ESR2: variants seen among roughly 807,000 people sequenced by gnomAD.
ESR2 encodes estrogen receptor 2.
In ESR2, 36 loss-of-function variants were observed where a neutral mutation model predicts 49.6. The ratio of observed to expected loss-of-function variants is 0.73; its 90% CI spans 0.56 to 0.96. The LOEUF (loss-of-function observed/expected upper bound fraction) is 0.96, where lower values mean the gene tolerates loss of function less well. Among genes scored for constraint, ESR2 ranks in the 40% least tolerant of loss-of-function variants. ESR2 has a pLI of 0.00. For synonymous variants in ESR2, 320 were observed against 266.1 expected, an observed-to-expected ratio of 1.20 and a Z score of -1.97; for missense variants, 714 against 693.0, an observed-to-expected ratio of 1.03 and a Z score of -0.34.
chr14:64,303,360 C>T (rs995602841), intron 1 of ESR2: 1 of 147,742 alleles, frequency 6.8e-6, no homozygotes, highest in African/African-American at 2.5e-5. Flanking sequence ...ATAAACATTA[C>T]ATACAAATCA....
intron 1 of ESR2, among the ~76,000 whole-genome samples, chr14:64,320,851 T>A (rs2077317246): frequency 6.6e-6 from 1 of 152,100 alleles, no homozygotes; most frequent in Non-Finnish European, 1.5e-5. Context: ...GCTGAGATCA[T>A]GCCATTGCAC....
intron 1 of ESR2, among the ~76,000 whole-genome samples, chr14:64,333,599 A>G (rs2077490332): frequency 6.6e-6 from 1 of 152,230 alleles, no homozygotes; most frequent in Non-Finnish European, 1.5e-5. Context: ...AGGCCTCACA[A>G]TCATGGCAGG....
Position 64,268,828 on chromosome 14 carries a change from G to A in ESR2, c.619C>T (p.Arg207Trp), listed in dbSNP as rs371856990. 6.2e-5 allele frequency: 100 copies of A among 1,613,410 alleles called. No individual in the cohort carries two copies. The highest frequency in any genetic ancestry group is 1.6e-4 in the Middle Eastern group (1 of 6,082). The change falls in exon 4 of 9, where the codon CGG (arginine) becomes TGG (tryptophan). Residue 207 changes from arginine (R) to tryptophan (W), a missense_variant. Coordinates refer to ENST00000341099, the MANE Select transcript of ESR2 (RefSeq NM_001437.3). The stretch of plus-strand genomic sequence containing the variant: ...ACCATTCCCACTTCGTAACACTTCC[G>A]AAGTCGGCAGGCCTGGCAGCTCTTG... ...RRKSCQACRL[R>W]KCYEVGMVKC...
intron 1 of ESR2, among the ~76,000 whole-genome samples, chr14:64,323,747 A>C (rs1342823526): frequency 6.6e-6 from 1 of 152,176 alleles, no homozygotes; most frequent in Non-Finnish European, 1.5e-5. Context: ...GCTGGAGTGC[A>C]GTGGCACGAT....
Position 64,300,642 on chromosome 14 carries a change from G to C in ESR2, c.-90-17567C>G, listed in dbSNP as rs145502222. The stretch of plus-strand genomic sequence containing the variant: ...AGGTGTGGTGGCACCTGTAGTCCCA[G>C]CTACTCGGGAGGCTGAGGCTGGAGG... On this transcript the variant is annotated intron_variant, in intron 1 of 8. Coordinates refer to the ESR2 transcript ENST00000358599. Among the ~76,000 whole-genome samples, 1,268 of 152,162 alleles carry C rather than the reference G, an allele frequency of 8.3e-3. 25 individuals are homozygous for C. Among genetic ancestry groups the C allele is most frequent in the African/African-American group, 0.029 (1,207 of 41,490 alleles).
chr14:64,280,433 G>A (rs1037893565), intron 2 of ESR2, among the ~76,000 whole-genome samples: 1 of 152,182 alleles, frequency 6.6e-6, no homozygotes, highest in African/African-American at 2.4e-5. Context: ...CCGAAGACCA[G>A]TCATAGCCAT....
downstream of ESR2, chr14:64,227,101 CTT>C (rs1249053785): frequency 6.0e-6 from 1 of 167,942 alleles, no homozygotes; most frequent in East Asian, 1.7e-4. Context: ...GGCATTTCCC[CTT>C]TCTTATTGGA....
chr14:64,274,251 T>C (rs2076510350), intron 3 of ESR2, among the ~76,000 whole-genome samples: 1 of 152,148 alleles, frequency 6.6e-6, no homozygotes, highest in Non-Finnish European at 1.5e-5. Flanking sequence ...CCCAGCTTGC[T>C]GGGAGGCTTT....
At chr14:64,253,898 G>A (rs532271687) in intron 6 of ESR2, among the ~76,000 whole-genome samples, 3 of 152,200 alleles carry the variant, frequency 2.0e-5, no homozygotes, top group Non-Finnish European at 2.9e-5. Flanking sequence ...TTAGTCAGTT[G>A]CCTGTTGATA....
At chr14:64,261,875 C>T (rs781358031) in intron 4 of ESR2, among the ~76,000 whole-genome samples, 1 of 152,132 alleles carries the variant, frequency 6.6e-6, no homozygotes, top group Non-Finnish European at 1.5e-5. Flanking sequence ...CCTCAGCCTC[C>T]TGAGTAGCTG....
At chr14:64,249,464 CA>C (rs1009216229) in intron 7 of ESR2, 81 bp downstream of exon 7, 2 of 1,459,832 alleles carry the variant, frequency 1.4e-6, no homozygotes, top group African/African-American at 2.9e-5. Flanking sequence ...AATAGAAGTT[CA>C]ACATTCTTCT....
At chr14:64,314,804 G>A (rs1306717213) in intron 1 of ESR2, among the ~76,000 whole-genome samples, 1 of 142,336 alleles carries the variant, frequency 7.0e-6, no homozygotes, top group Non-Finnish European at 1.5e-5. Context: ...CTTGAACCTG[G>A]GAGGCGGAGG....
rs1009548868 is a variant in ESR2, at chr14:64,259,384, C to A, written c.952+1065G>T. 7.9e-5 allele frequency among the ~76,000 whole-genome samples: 12 copies of A among 152,160 alleles called. No homozygotes were observed. The South Asian group carries it at 1.0e-3, about 13-fold the overall frequency. ...TACAGCTTGCCCAGTGCAGTCGCTG[C>A]CCTCCAGGCCATGGGAATGCCCCCA... is the stretch of plus-strand genomic sequence containing the variant. On this transcript the variant is annotated intron_variant, in intron 5 of 8. Coordinates refer to ENST00000341099, the MANE Select transcript of ESR2 (RefSeq NM_001437.3).
intron 3 of ESR2, among the ~76,000 whole-genome samples, chr14:64,278,604 A>G (rs1186361749): frequency 1.3e-5 from 2 of 152,184 alleles, no homozygotes; most frequent in African/African-American, 4.8e-5. Flanking sequence ...AGATGGAAAC[A>G]TAGGGTGTTG....
chr14:64,249,286 C>T (rs1026655391), intron 7 of ESR2, among the ~76,000 whole-genome samples: 4 of 152,140 alleles, frequency 2.6e-5, no homozygotes, highest in South Asian at 4.2e-4. Context: ...ATTTAAAGTT[C>T]CTTTTTTTTT....
At chr14:64,321,984 A>T (rs2140896063) in intron 1 of ESR2, among the ~76,000 whole-genome samples, 1 of 152,288 alleles carries the variant, frequency 6.6e-6, no homozygotes, top group South Asian at 2.1e-4. Context: ...ACGTAACCCA[A>T]ACCTCAGCAT....
At chr14:64,265,325 T>C (rs992134437) in intron 4 of ESR2, among the ~76,000 whole-genome samples, 1 of 152,210 alleles carries the variant, frequency 6.6e-6, no homozygotes, top group Non-Finnish European at 1.5e-5. Flanking sequence ...GAAGCTTCTA[T>C]GCACCAGGCA....
At chr14:64,318,185 T>C (rs577141219) in intron 1 of ESR2, among the ~76,000 whole-genome samples, 1 of 152,350 alleles carries the variant, frequency 6.6e-6, no homozygotes, top group South Asian at 2.1e-4. Flanking sequence ...CAAAGTCAAT[T>C]GCTTTCCTAA....
chr14:64,333,059 A>G (rs1292100287), intron 1 of ESR2, among the ~76,000 whole-genome samples: 1 of 151,456 alleles, frequency 6.6e-6, no homozygotes, highest in East Asian at 2.0e-4. Flanking sequence ...TGTATTTTTT[A>G]GTAGAGATGG....
Sources: allele counts gnomAD v4.1 joint callset (sites outside exome capture counted in the v4.1 genomes callset), GRCh38; gene constraint gnomAD v4.1.1; transcripts MANE v1.5; gene names NCBI Gene and HGNC (gene_info 2026-07-23, HGNC 2026-07-21).